Variants in KSR2 observed in about 807,000 individuals in gnomAD.
The protein encoded by KSR2 is kinase suppressor of ras 2.
Under a neutral mutation model 107.8 loss-of-function variants are expected in KSR2, and 25 were observed. The ratio of observed to expected loss-of-function variants is 0.23; its 90% confidence interval spans 0.17 to 0.32. The LOEUF is 0.32. KSR2 is among the 10% of genes least tolerant of loss of function. KSR2 has a pLI of 1.00. For missense variants in KSR2, 887 were observed against 1,268.9 expected (o/e 0.70, Z 4.57); for synonymous variants, 480 against 507.0 (o/e 0.95, Z 0.71).
At chr12:117,560,682 CTCCAAG>C (rs1878049804) in intron 7 of KSR2, among the ~76,000 whole-genome samples, 1 of 152,138 alleles carries the variant, frequency 6.6e-6, no homozygotes, top group African/African-American at 2.4e-5. Flanking sequence ...GAAATGTGAC[CTCCAAG>C]TTGGAAGTGG....
At chr12:117,861,992 G>A (rs1593315515) in intron 1 of KSR2, among the ~76,000 whole-genome samples, 1 of 151,914 alleles carries the variant, frequency 6.6e-6, no homozygotes, top group African/African-American at 2.4e-5. Context: ...TCTAACTTGG[G>A]TCAAGTATTT....
chr12:117,771,489 C>T (rs1003338308), intron 3 of KSR2, among the ~76,000 whole-genome samples: 4 of 152,292 alleles, frequency 2.6e-5, no homozygotes, highest in Admixed American at 6.5e-5. Context: ...GTGTCATGGG[C>T]GTGCATCTTC....
intron 4 of KSR2, among the ~76,000 whole-genome samples, chr12:117,722,288 C>T (rs1223706195): frequency 6.6e-6 from 1 of 152,202 alleles, no homozygotes; most frequent in Non-Finnish European, 1.5e-5. Context: ...TACATCCAAA[C>T]AGCTTGAGGA....
At chr12:117,489,548 CAAA>C (rs11358177) in intron 14 of KSR2, among the ~76,000 whole-genome samples, 13 of 87,198 alleles carry the variant, frequency 1.5e-4, no homozygotes, top group Admixed American at 2.6e-4. Flanking sequence ...GACCCTGTCT[CAAA>C]AAAAAAAAAA....
intron 13 of KSR2, among the ~76,000 whole-genome samples, chr12:117,525,725 C>T (rs1161779573): frequency 6.6e-6 from 1 of 152,190 alleles, no homozygotes; most frequent in African/African-American, 2.4e-5. Context: ...ATGGGTACAT[C>T]GTGCATCTGC....
chr12:117,818,776 T>TC (rs1010894854), intron 3 of KSR2, among the ~76,000 whole-genome samples: 6 of 152,006 alleles, frequency 3.9e-5, no homozygotes, highest in Non-Finnish European at 8.8e-5. Context: ...ATCTTAGTGT[T>TC]CCCCAGCTGC....
At chr12:117,669,754 G>A (rs1285718713) in intron 4 of KSR2, among the ~76,000 whole-genome samples, 1 of 152,100 alleles carries the variant, frequency 6.6e-6, no homozygotes, top group Non-Finnish European at 1.5e-5. Context: ...TGCAGTCCCA[G>A]CTACTCAGGA....
intron 4 of KSR2, among the ~76,000 whole-genome samples, chr12:117,688,697 G>T (rs185147241): frequency 6.6e-6 from 1 of 152,128 alleles, no homozygotes; most frequent in Non-Finnish European, 1.5e-5. Context: ...ATCAGGTTTC[G>T]AGTGTGCCAG....
intron 4 of KSR2, among the ~76,000 whole-genome samples, chr12:117,682,771 A>G (rs1449399922): frequency 6.6e-6 from 1 of 152,160 alleles, no homozygotes; most frequent in Non-Finnish European, 1.5e-5. Flanking sequence ...AGATGTGTAG[A>G]AAGTTGACCA....
chr12:117,469,271 C>T (rs1331122264), intron 19 of KSR2, among the ~76,000 whole-genome samples: 3 of 152,164 alleles, frequency 2.0e-5, no homozygotes. Context: ...CAGGGGCAGG[C>T]TGCTGGCTCA....
chr12:117,725,112 ACC>A (rs1482347910), intron 4 of KSR2, among the ~76,000 whole-genome samples: 1 of 144,656 alleles, frequency 6.9e-6, no homozygotes, highest in Non-Finnish European at 1.5e-5. Flanking sequence ...ACACACACAC[ACC>A]CCAAAAACAA....
chr12:117,963,167 G>A (rs369587712), intron 1 of KSR2, among the ~76,000 whole-genome samples: 32 of 151,776 alleles, frequency 2.1e-4, no homozygotes, highest in African/African-American at 7.7e-4. Context: ...TCCAGCCTGA[G>A]CAACGGAGCG....
intron 5 of KSR2, among the ~76,000 whole-genome samples, chr12:117,662,392 C>T (rs1443224431): frequency 6.6e-6 from 1 of 152,168 alleles, no homozygotes; most frequent in African/African-American, 2.4e-5. Context: ...CTTCCAGCGG[C>T]CGCTTTCTTG....
At chr12:117,506,144 C>T (rs1210847031) in intron 14 of KSR2, among the ~76,000 whole-genome samples, 2 of 152,178 alleles carry the variant, frequency 1.3e-5, no homozygotes, top group Non-Finnish European at 2.9e-5. Flanking sequence ...GATCACGGGA[C>T]ACAGATCTTG....
At chr12:117,608,463 G>T (rs1457374652) in intron 5 of KSR2, among the ~76,000 whole-genome samples, 2 of 152,144 alleles carry the variant, frequency 1.3e-5, no homozygotes, top group Admixed American at 6.5e-5. Flanking sequence ...AGAGAATAAA[G>T]AAACTTGCTC....
chr12:117,910,357 C>A (rs532068583), intron 1 of KSR2, among the ~76,000 whole-genome samples: 5 of 152,194 alleles, frequency 3.3e-5, no homozygotes, highest in Non-Finnish European at 7.4e-5. Flanking sequence ...CATTTCCTCA[C>A]TTGTAATAAA....
At chr12:117,818,005 G>A (rs1460191516) in intron 3 of KSR2, among the ~76,000 whole-genome samples, 1 of 152,070 alleles carries the variant, frequency 6.6e-6, no homozygotes, top group East Asian at 1.9e-4. Context: ...GGAGACTGAG[G>A]CAGGAGAATC....
intron 14 of KSR2, among the ~76,000 whole-genome samples, chr12:117,500,612 T>C (rs1169673226): frequency 2.0e-5 from 3 of 152,162 alleles, no homozygotes; most frequent in Non-Finnish European, 2.9e-5. Context: ...CTAAGCTATA[T>C]GGCCTCTTTG....
At chr12:117,576,506 T>A (rs1879293772) in intron 7 of KSR2, among the ~76,000 whole-genome samples, 1 of 150,378 alleles carries the variant, frequency 6.6e-6, no homozygotes, top group South Asian at 2.1e-4. Context: ...AAAAAAAAAT[T>A]TTTTTTTTTG....
Sources: gnomAD v4.1 joint callset for allele counts (sites outside exome capture counted in the v4.1 genomes callset) on GRCh38, gnomAD v4.1.1 for gene constraint, MANE v1.5 for transcripts, NCBI Gene and HGNC (gene_info 2026-07-23, HGNC 2026-07-21) for gene names.